Variants in PAPOLA observed in about 807,000 individuals in gnomAD.
PAPOLA encodes the protein polynucleotide adenylyltransferase alpha.
PAPOLA carries 15 observed loss-of-function variants against 100.6 expected under a neutral mutation model. The observed-to-expected ratio is 0.15, with a 90% CI of 0.10 to 0.23. The LOEUF (loss-of-function observed/expected upper bound fraction) is 0.23, where lower values mean the gene tolerates loss of function less well. Among genes scored for constraint, PAPOLA ranks in the 10% least tolerant of loss-of-function variants. The probability of loss-of-function intolerance (pLI) is 1.00; values close to 1 mark genes in which losing one functional copy is unlikely to be tolerated. For missense variants in PAPOLA, 533 were observed against 884.2 expected (o/e 0.60, Z 5.04); for synonymous variants, 293 against 300.0 (o/e 0.98, Z 0.24).
chr14:96,535,561 C>T, intron 10 of PAPOLA: 1 of 1,016,386 alleles, frequency 9.8e-7, no homozygotes, highest in African/African-American at 1.7e-5. Flanking sequence ...TGTGCATCCC[C>T]ATTTCTGTTG....
rs1023199935 is a variant in PAPOLA at position 96,556,002 on chromosome 14, C to G, written c.1765+55C>G. 4 of 1,312,962 alleles carry G rather than the reference C, an allele frequency of 3.0e-6. No individual in the cohort carries two copies. In the African/African-American group the frequency reaches 5.9e-5, roughly 19 times the overall value. The allele number at this position is 1,312,962 out of a possible 1,614,324, so 81.3% of individuals were successfully genotyped here. On this transcript the variant is annotated intron_variant, in intron 18 of 21. Coordinates refer to ENST00000216277, the MANE Select transcript of PAPOLA (RefSeq NM_032632.5). The stretch of plus-strand genomic sequence containing the variant: ...AATTCTTACATTATATTTGGTTTAG[C>G]CTTCATTTTGAAAAGTGGGTTTGTT...
intron 1 of PAPOLA, chr14:96,504,494 G>C (rs977265241): frequency 2.0e-5 from 3 of 152,304 alleles, no homozygotes; most frequent in African/African-American, 7.2e-5. Flanking sequence ...CTTGAGGCCA[G>C]GAGTTTGAGA....
Position 96,502,501 on chromosome 14 carries a change from CCCCT to C in PAPOLA, c.-84_-81del. 1 of 1,015,504 alleles carries C rather than the reference CCCCT, an allele frequency of 9.8e-7. No homozygotes were observed. Among genetic ancestry groups the C allele is most frequent in the Non-Finnish European group, 1.5e-6 (1 of 680,098 alleles). The allele number at this position is 1,015,504 out of a possible 1,614,324, so 62.9% of individuals were successfully genotyped here. ...TGGACCCAGGGCTGAGGCAGGCCCC[CCCCT>C]CCCTCCCGCCTCAGTGGATCATGCC... On this transcript the variant is annotated 5_prime_UTR_variant, in exon 1 of 22. Transcript: ENST00000216277.
At chr14:96,550,790 T>C (rs1197350382) in intron 16 of PAPOLA, among the ~76,000 whole-genome samples, 2 of 152,248 alleles carry the variant, frequency 1.3e-5, no homozygotes, top group African/African-American at 2.4e-5. Context: ...AATAGCACTT[T>C]CTTGCTTAAT....
At chr14:96,542,377 G>A in intron 13 of PAPOLA, 81 bp downstream of exon 13, 1 of 832,692 alleles carries the variant, frequency 1.2e-6, no homozygotes, top group Non-Finnish European at 2.0e-6. Context: ...GGAGATGGGA[G>A]GAAGTCCTTA....
chr14:96,561,517 T>C (rs188960939), intron 20 of PAPOLA, among the ~76,000 whole-genome samples: 64 of 152,344 alleles, frequency 4.2e-4, no homozygotes, highest in African/African-American at 1.3e-3. Flanking sequence ...CTTCATAGAA[T>C]GCTGTCTTAA....
At chr14:96,536,097 C>T in intron 11 of PAPOLA, 98 bp downstream of exon 11, 2 of 873,412 alleles carry the variant, frequency 2.3e-6, no homozygotes. Flanking sequence ...AAGAAGGATT[C>T]ACTGAAGTGG....
At chr14:96,506,897 T>C (rs1896753140) in intron 1 of PAPOLA, among the ~76,000 whole-genome samples, 1 of 152,168 alleles carries the variant, frequency 6.6e-6, no homozygotes, top group Non-Finnish European at 1.5e-5. Context: ...TAACTAATCT[T>C]TGCAAAACTG....
intron 1 of PAPOLA, among the ~76,000 whole-genome samples, chr14:96,512,573 T>A (rs1440310887): frequency 1.3e-5 from 2 of 152,204 alleles, no homozygotes; most frequent in Non-Finnish European, 2.9e-5. Flanking sequence ...TAATGTAAAG[T>A]GCTTGACTTA....
rs1025058279 is a variant in PAPOLA, at chr14:96,552,510, C to G, written c.1552C>G (p.Leu518Val). Residue 518 changes from leucine (L) to valine (V), a missense_variant, in exon 17 of 22, where the codon CTC (leucine) becomes GTC (valine). This residue lies in a region of PAPOLA where 242 missense variants were observed against 281.0 expected (regional missense o/e 0.86). Transcript: ENST00000216277. ...AACAGAAGGTGTCAAATTGACAGCT[C>G]TCAATGACAGCAGCCTCGACTTGTC... ...HSTEGVKLTA[L>V]NDSSLDLSMD... is the part of the protein sequence containing the mutation. The G allele has an allele frequency of 3.1e-6, 5 of 1,613,538 alleles. No homozygotes were observed. The highest frequency in any genetic ancestry group is 2.7e-5 in the African/African-American group (2 of 74,890).
chr14:96,515,655 A>T (rs1438524405), intron 1 of PAPOLA, among the ~76,000 whole-genome samples: 1 of 152,186 alleles, frequency 6.6e-6, no homozygotes, highest in East Asian at 1.9e-4. Flanking sequence ...GGTAAATATT[A>T]ATTATGTTGG....
chr14:96,537,225 G>T (rs571207127), intron 12 of PAPOLA, 165 bp downstream of exon 12: 75 of 581,472 alleles, frequency 1.3e-4, no homozygotes, highest in African/African-American at 1.2e-3. Context: ...TTTGGTTGAG[G>T]TAATGAATGT....
chr14:96,506,593 T>A (rs1416382368), intron 1 of PAPOLA, among the ~76,000 whole-genome samples: 1 of 152,254 alleles, frequency 6.6e-6, no homozygotes, highest in Non-Finnish European at 1.5e-5. Flanking sequence ...AAAGCTTGCT[T>A]TTCCATCATG....
At chr14:96,525,145 T>G (rs954991548) in intron 3 of PAPOLA, among the ~76,000 whole-genome samples, 165 bp from the exon 4 acceptor site, 1 of 152,230 alleles carries the variant, frequency 6.6e-6, no homozygotes, top group Non-Finnish European at 1.5e-5. Flanking sequence ...ATATGATTGA[T>G]CTGAGGGGCT....
At chr14:96,556,057 C>A in intron 18 of PAPOLA, 110 bp downstream of exon 18, 1 of 1,161,330 alleles carries the variant, frequency 8.6e-7, no homozygotes, top group Non-Finnish European at 1.3e-6. Context: ...TTTTAAATGC[C>A]AGTTTATTTT....
chr14:96,539,591 A>T (rs954453188), intron 12 of PAPOLA, among the ~76,000 whole-genome samples: 1 of 152,156 alleles, frequency 6.6e-6, no homozygotes, highest in Non-Finnish European at 1.5e-5. Flanking sequence ...TGGAAACTAT[A>T]TATTTTTAAA....
At position 96,544,196 on chromosome 14, in the gene PAPOLA, C is replaced by T. The variant is rs772151073; in HGVS notation, c.1337C>T (p.Thr446Ile). Residue 446 changes from threonine to isoleucine, a missense_variant, in exon 15 of 22, where the codon ACA becomes ATA. By Grantham distance (89) the Thr-to-Ile change is moderately conservative (BLOSUM62 -1). Coordinates refer to ENST00000216277, the MANE Select transcript of PAPOLA (RefSeq NM_032632.5). Reference protein sequence around the residue: ...MWVIGLVFKKTENSENLSVDL... With the variant: ...MWVIGLVFKKIENSENLSVDL... The stretch of plus-strand genomic sequence containing the variant: ...GTGATTGGGTTAGTGTTTAAAAAAA[C>T]AGAAAACTCTGAAAACCTCAGTGTT... The T allele has an allele frequency of 1.9e-6, 3 of 1,610,046 alleles. No homozygotes were observed. Among genetic ancestry groups the T allele is most frequent in the African/African-American group, 1.3e-5 (1 of 74,818 alleles).
At position 96,531,521 on chromosome 14, in the gene PAPOLA, A is replaced by G; in HGVS notation, c.542A>G (p.Asp181Gly). 6.2e-7 allele frequency: 1 copy of G among 1,611,178 alleles called. No individual in the cohort carries two copies. Among genetic ancestry groups the G allele is most frequent in the Non-Finnish European group, 8.5e-7 (1 of 1,177,868 alleles). ...ARLALQTIPE[D>G]LDLRDDSLLK... The stretch of plus-strand genomic sequence containing the variant: ...TTAGCACTGCAGACAATTCCTGAAG[A>G]TTTGGATCTACGAGATGACAGTCTG... The change falls in exon 7 of 22, where the codon GAT becomes GGT. Residue 181 changes from aspartate to glycine, a missense_variant. By Grantham distance (94) the Asp-to-Gly change is moderately conservative. Coordinates refer to ENST00000216277, the MANE Select transcript of PAPOLA (RefSeq NM_032632.5).
intron 15 of PAPOLA, 87 bp from the exon 16 acceptor site, chr14:96,547,710 C>A: frequency 1.0e-6 from 1 of 962,172 alleles, no homozygotes; most frequent in Non-Finnish European, 1.5e-6. Context: ...GAAAAAGGAT[C>A]CCTACTTAGA....
Sources: gnomAD v4.1 joint callset for allele counts (sites outside exome capture counted in the v4.1 genomes callset) on GRCh38, gnomAD v4.1.1 for gene constraint, gnomAD v4.1.1 regional missense constraint, MANE v1.5 for transcripts, NCBI Gene and HGNC (gene_info 2026-07-23, HGNC 2026-07-21) for gene names.